The following BANP variants were observed in gnomAD, a reference collection of about 807,000 sequenced individuals.
BANP encodes the protein protein BANP.
A neutral mutation model predicts 68.1 loss-of-function variants in BANP; 11 were observed. That is an observed-to-expected ratio of 0.16 (90% CI 0.10 to 0.27). The LOEUF (loss-of-function observed/expected upper bound fraction) is 0.27. Among genes scored for constraint, BANP ranks in the 10% least tolerant of loss-of-function variants. BANP has a pLI of 1.00. For synonymous variants in BANP, 329 were observed against 303.2 expected (o/e 1.09, Z -0.88); for missense variants, 504 against 722.7 (o/e 0.70, Z 3.47).
At chr16:87,997,579 G>C (rs113666215) in intron 4 of BANP, among the ~76,000 whole-genome samples, 6 of 151,070 alleles carry the variant, frequency 4.0e-5, no homozygotes, top group Non-Finnish European at 7.4e-5. Flanking sequence ...CCATGTGTTC[G>C]TGGTAAAGTG....
At chr16:87,955,196 G>A (rs900640487) in intron 1 of BANP, among the ~76,000 whole-genome samples, 2 of 152,202 alleles carry the variant, frequency 1.3e-5, no homozygotes, top group South Asian at 4.1e-4. Flanking sequence ...GTGGCTGACT[G>A]TCACTGGGAG....
chr16:88,046,452 G>A (rs965377439), intron 11 of BANP, among the ~76,000 whole-genome samples: 4 of 152,224 alleles, frequency 2.6e-5, no homozygotes, highest in East Asian at 1.9e-4. Context: ...TAACGTGGAC[G>A]TGCTCTAGTG....
intron 3 of BANP, among the ~76,000 whole-genome samples, chr16:87,983,004 C>T (rs918761991): frequency 9.9e-5 from 15 of 152,170 alleles, no homozygotes; most frequent in African/African-American, 3.4e-4. Context: ...TCCCGCTCCC[C>T]TGTGCTGCGA....
At chr16:87,981,441 G>T (rs1244747763) in intron 3 of BANP, among the ~76,000 whole-genome samples, 1 of 152,098 alleles carries the variant, frequency 6.6e-6, no homozygotes, top group African/African-American at 2.4e-5. Flanking sequence ...CTCTAGTAAG[G>T]ACTTGTCATT....
chr16:88,057,324 G>T lies in BANP; in HGVS notation c.1312-7943G>T, dbSNP rs1188307287. On this transcript the variant is annotated intron_variant, in intron 11 of 13. Coordinates refer to ENST00000682872, the MANE Select transcript of BANP (RefSeq NM_001386991.1). This position sits in a 1 kb window ranked among gnomAD's most constrained non-coding sequence, Gnocchi z 4.6. ...GGATGTGTAGACTCTTTTGCCCCAA[G>T]AATTATCTTCTGGAAGGCTACCAGA... Among the ~76,000 whole-genome samples the T allele has an allele frequency of 5.9e-5, 9 of 152,186 alleles. No individual in the cohort carries two copies. The highest frequency in any genetic ancestry group is 1.9e-4 in the African/African-American group (8 of 41,438).
intron 11 of BANP, among the ~76,000 whole-genome samples, chr16:88,049,089 G>C (rs755214062): frequency 1.3e-5 from 2 of 152,094 alleles, no homozygotes; most frequent in Non-Finnish European, 2.9e-5. Context: ...GTGGACACCA[G>C]CTGGGTGTCC....
intron 4 of BANP, among the ~76,000 whole-genome samples, chr16:87,998,118 T>G (rs1184632045): frequency 2.0e-5 from 3 of 152,180 alleles, no homozygotes; most frequent in Non-Finnish European, 4.4e-5. Flanking sequence ...AGCTCACTCT[T>G]GAATTCCTCC....
intron 2 of BANP, among the ~76,000 whole-genome samples, chr16:87,977,373 C>T (rs573707536): frequency 2.6e-5 from 4 of 151,650 alleles, no homozygotes; most frequent in African/African-American, 7.2e-5. Flanking sequence ...GAGCTGAGAT[C>T]GCGCCACTGC....
intron 6 of BANP, among the ~76,000 whole-genome samples, chr16:88,011,783 C>T (rs2073195368): frequency 6.6e-6 from 1 of 152,150 alleles, no homozygotes; most frequent in South Asian, 2.1e-4. Context: ...GGAGTGTGCA[C>T]TTTTTGCTGT....
At position 88,037,777 on chromosome 16, in the gene BANP, A is replaced by C. The variant is rs1015805619; in HGVS notation, c.1273-196A>C. ...TTTTTGAGTTGTTTGTTCATCTTTAAAATAATAAATAGTACCTAGAAATGT... is the reference window on the plus strand; with the variant it reads ...TTTTTGAGTTGTTTGTTCATCTTTACAATAATAAATAGTACCTAGAAATGT... On this transcript the variant is annotated intron_variant, in intron 10 of 13. Coordinates refer to ENST00000682872, the MANE Select transcript of BANP (RefSeq NM_001386991.1). 25 of 608,344 alleles carry C rather than the reference A, an allele frequency of 4.1e-5. No homozygotes were observed. The African/African-American group carries it at 4.3e-4, about 10-fold the overall frequency. 37.7% of individuals were successfully genotyped at this position (608,344 alleles called of 1,614,324 possible).
At chr16:87,959,666 A>G (rs2058746174) in intron 1 of BANP, among the ~76,000 whole-genome samples, 1 of 152,028 alleles carries the variant, frequency 6.6e-6, no homozygotes, top group African/African-American at 2.4e-5. Context: ...TTGGAGGACA[A>G]AGAGACGGCC....
At chr16:87,989,638 GACACA>G (rs1567678417) in intron 4 of BANP, among the ~76,000 whole-genome samples, 10 of 122,066 alleles carry the variant, frequency 8.2e-5, no homozygotes, top group African/African-American at 2.0e-4. Flanking sequence ...CAGGACACAG[GACACA>G]GGGCGGGTGA....
At chr16:87,973,753 C>CAAAAAAAAAAAAAAAAAAA (rs58334556) in intron 1 of BANP, among the ~76,000 whole-genome samples, 2 of 99,496 alleles carry the variant, frequency 2.0e-5, no homozygotes, top group South Asian at 4.4e-4. Flanking sequence ...AACTCCATCA[C>CAAAAAAAAAAAAAAAAAAA]AAAAAAAAAA....
chr16:88,028,621 A>G (rs1285109377), intron 8 of BANP, among the ~76,000 whole-genome samples: 3 of 152,214 alleles, frequency 2.0e-5, no homozygotes, highest in Non-Finnish European at 4.4e-5. Context: ...AGGCCTTTCT[A>G]CTACAATGAG....
At chr16:88,053,180 C>T (rs377140830) in intron 11 of BANP, among the ~76,000 whole-genome samples, 192 of 152,076 alleles carry the variant, frequency 1.3e-3, no homozygotes, top group African/African-American at 4.5e-3. Flanking sequence ...ACAAACACTA[C>T]CACCACCACC....
At position 88,071,295 on chromosome 16, in the gene BANP, A is replaced by G. The variant is rs973897400; in HGVS notation, c.1378-774A>G. The G allele has an allele frequency of 1.1e-5, 4 of 363,962 alleles. No homozygotes were observed. The highest frequency in any genetic ancestry group is 2.2e-5 in the Non-Finnish European group (4 of 183,750). 22.5% of individuals were successfully genotyped at this position (363,962 alleles called of 1,614,324 possible). A position where few individuals can be genotyped will look rare whatever the true frequency, so the allele number is the denominator to read the frequency against. ...AGTGCCCTCAGGGCTGGGGCTGCCC[A>G]CCCGCCTGCCTGGGCCGTCTTGACA... On this transcript the variant is annotated intron_variant, in intron 12 of 13. Transcript: ENST00000682872. The surrounding 1 kb of genome is among the most constrained non-coding windows in gnomAD (Gnocchi z 6.5).
intron 4 of BANP, among the ~76,000 whole-genome samples, chr16:87,985,124 G>C (rs555913195): frequency 1.8e-4 from 28 of 152,368 alleles, no homozygotes; most frequent in Admixed American, 9.8e-4. Flanking sequence ...GTGTGTGCTG[G>C]TGGCTGGCGC....
intron 13 of BANP, among the ~76,000 whole-genome samples, chr16:88,076,340 C>T (rs1256659521): frequency 1.3e-5 from 2 of 152,186 alleles, no homozygotes; most frequent in African/African-American, 4.8e-5. Flanking sequence ...TGACGGAGTC[C>T]ATGTCGGGGG....
At chr16:87,953,642 TTGAG>T (rs2057443178) in intron 1 of BANP, among the ~76,000 whole-genome samples, 1 of 152,242 alleles carries the variant, frequency 6.6e-6, no homozygotes, top group Admixed American at 6.5e-5. Context: ...CACGGACAAA[TTGAG>T]TGTTTCCCTT....
Sources: gnomAD v4.1 joint callset for allele counts (sites outside exome capture counted in the v4.1 genomes callset) on GRCh38, gnomAD v4.1.1 for gene constraint, Gnocchi (gnomAD v3.1) non-coding constraint, MANE v1.5 for transcripts, NCBI Gene and HGNC (gene_info 2026-07-23, HGNC 2026-07-21) for gene names.